The following GPC3 variants were observed in gnomAD, a reference collection of about 807,000 sequenced individuals.
GPC3 encodes glypican 3, also known as glypican-3.
Under a neutral mutation model 34.4 loss-of-function variants are expected in GPC3, and 3 were observed. The observed-to-expected ratio is 0.09, with a 90% confidence interval of 0.04 to 0.23. GPC3 has a LOEUF of 0.23. Ranked by LOEUF, GPC3 falls within the 10% of genes least tolerant of loss-of-function variation. GPC3 has a pLI of 1.00. For synonymous variants in GPC3, 177 were observed against 174.0 expected, an observed-to-expected ratio of 1.02 and a Z score of -0.13; for missense variants, 351 against 445.6, an observed-to-expected ratio of 0.79 and a Z score of 1.91.
chrX:133,937,277 T>C (rs770157018), intron 2 of GPC3, among the ~76,000 whole-genome samples: 2 of 111,262 alleles, frequency 1.8e-5, no homozygotes, highest in South Asian at 3.8e-4. Context: ...GCAGCACATG[T>C]GCACACACAA....
chrX:133,639,082 G>A (rs1041246420), intron 6 of GPC3, among the ~76,000 whole-genome samples: 5 of 111,193 alleles, frequency 4.5e-5, no homozygotes, highest in Admixed American at 3.8e-4. Flanking sequence ...CACACATCTC[G>A]CTAATCAACA....
At chrX:133,578,021 C>T (rs1444111633) in intron 7 of GPC3, among the ~76,000 whole-genome samples, 1 of 112,191 alleles carries the variant, frequency 8.9e-6, no homozygotes, top group African/African-American at 3.2e-5. Flanking sequence ...GGTACCCACA[C>T]CACAGCGTTG....
intron 5 of GPC3, among the ~76,000 whole-genome samples, chrX:133,690,707 T>C (rs1477076583): frequency 9.0e-6 from 1 of 111,289 alleles, no homozygotes; most frequent in Non-Finnish European, 1.9e-5. Context: ...GTGAATAAAT[T>C]AATAAGAAAA....
At chrX:133,841,508 G>C (rs2075824499) in intron 2 of GPC3, among the ~76,000 whole-genome samples, 1 of 110,242 alleles carries the variant, frequency 9.1e-6, no homozygotes, top group African/African-American at 3.3e-5. Context: ...ATATCAGAAA[G>C]AGGGTACAGG....
At chrX:133,670,635 A>G (rs2070817509) in intron 5 of GPC3, among the ~76,000 whole-genome samples, 1 of 111,706 alleles carries the variant, frequency 9.0e-6, no homozygotes, top group African/African-American at 3.3e-5. Context: ...TCCCTAACTC[A>G]GTGATTTATC....
chrX:133,793,486 A>G (rs1239924791), intron 2 of GPC3, among the ~76,000 whole-genome samples: 1 of 111,740 alleles, frequency 8.9e-6, no homozygotes, highest in Non-Finnish European at 1.9e-5. Flanking sequence ...TGCTCTTAGT[A>G]AGTGTACTCC....
intron 5 of GPC3, among the ~76,000 whole-genome samples, chrX:133,691,431 G>A (rs1388999653): frequency 9.2e-6 from 1 of 109,280 alleles, no homozygotes; most frequent in African/African-American, 3.3e-5. Context: ...CCTGGGAGGC[G>A]GAGGTTGCAG....
At chrX:133,647,309 C>T (rs964294471) in intron 6 of GPC3, among the ~76,000 whole-genome samples, 1 of 112,532 alleles carries the variant, frequency 8.9e-6, no homozygotes, top group Non-Finnish European at 1.9e-5. Flanking sequence ...GTGAGTGGGA[C>T]AGGCAAGGTT....
chrX:133,976,318 C>A (rs1254865468), intron 1 of GPC3, among the ~76,000 whole-genome samples: 1 of 111,916 alleles, frequency 8.9e-6, no homozygotes, highest in Admixed American at 9.5e-5. Flanking sequence ...AAGTGACAGA[C>A]ACTTTATGAG....
intron 5 of GPC3, among the ~76,000 whole-genome samples, chrX:133,668,142 A>T (rs2070787478): frequency 1.8e-5 from 2 of 109,733 alleles, no homozygotes; most frequent in African/African-American, 6.7e-5. Context: ...TGACTTCATG[A>T]TCCGCCCGCC....
Position 133,673,870 on chromosome X carries a change from T to A in GPC3, c.1293-12020A>T, listed in dbSNP as rs951285153. 8.9e-5 allele frequency among the ~76,000 whole-genome samples: 10 copies of A among 112,307 alleles called. No homozygotes were observed. The East Asian group carries it at 2.5e-3, about 28-fold the overall frequency. On this transcript the variant is annotated intron_variant, in intron 5 of 7. Transcript: ENST00000370818. Reference sequence around the variant, plus strand: ...ATGAGGGCTGCTGTTATTATTTTTATCACGTGAAAGCACCAAACACAGCAT... The same window carrying A: ...ATGAGGGCTGCTGTTATTATTTTTAACACGTGAAAGCACCAAACACAGCAT...
At chrX:133,923,854 G>A (rs2076263678) in intron 2 of GPC3, among the ~76,000 whole-genome samples, 1 of 112,306 alleles carries the variant, frequency 8.9e-6, no homozygotes, top group Admixed American at 9.4e-5. Context: ...ATGACTCTCG[G>A]CTTTGCTTTA....
intron 7 of GPC3, among the ~76,000 whole-genome samples, chrX:133,545,124 G>A (rs1250408823): frequency 4.5e-5 from 5 of 111,694 alleles, no homozygotes; most frequent in Non-Finnish European, 9.4e-5. Context: ...CTAACAGTCA[G>A]TAGAAGAAGA....
intron 2 of GPC3, among the ~76,000 whole-genome samples, chrX:133,759,047 T>C (rs1266434348): frequency 9.0e-6 from 1 of 111,189 alleles, no homozygotes; most frequent in Non-Finnish European, 1.9e-5. Flanking sequence ...TACTAGCTAC[T>C]GCAATGAGAC....
intron 2 of GPC3, among the ~76,000 whole-genome samples, chrX:133,848,412 G>C (rs760581579): frequency 4.5e-5 from 5 of 112,053 alleles, no homozygotes; most frequent in Non-Finnish European, 9.4e-5. Context: ...ATAGAGAAGG[G>C]TAATGGACTG....
At chrX:133,935,459 GTCT>G (rs1222172699) in intron 2 of GPC3, among the ~76,000 whole-genome samples, 3 of 110,774 alleles carry the variant, frequency 2.7e-5, no homozygotes, top group Non-Finnish European at 5.7e-5. Context: ...TTTTTCTTCT[GTCT>G]TCTTCTCTCT....
At chrX:133,968,110 A>C (rs1038598155) in intron 1 of GPC3, among the ~76,000 whole-genome samples, 1 of 112,393 alleles carries the variant, frequency 8.9e-6, no homozygotes, top group Non-Finnish European at 1.9e-5. Flanking sequence ...AACTCAAAGG[A>C]TGACCTTCAC....
At chrX:133,945,753 CAA>C (rs199768417) in intron 2 of GPC3, among the ~76,000 whole-genome samples, 6 of 79,366 alleles carry the variant, frequency 7.6e-5, no homozygotes, top group Admixed American at 1.4e-4. Context: ...GACTCCGTCT[CAA>C]AAAAAAAAAA....
chrX:133,810,482 T>A (rs758664873), intron 2 of GPC3, among the ~76,000 whole-genome samples: 23 of 111,821 alleles, frequency 2.1e-4, no homozygotes, highest in Admixed American at 1.8e-3. Context: ...AGCCTGGGAT[T>A]CTGACATCTG....
Sources: allele counts gnomAD v4.1 joint callset (sites outside exome capture counted in the v4.1 genomes callset), GRCh38; gene constraint gnomAD v4.1.1; transcripts MANE v1.5; gene names NCBI Gene and HGNC (gene_info 2026-07-23, HGNC 2026-07-21).